FAM120C: variants seen among roughly 807,000 people sequenced by gnomAD.
The protein encoded by FAM120C is family with sequence similarity 120 member C, also known as constitutive coactivator of PPAR-gamma-like protein 2.
In FAM120C, 14 loss-of-function variants were observed where a neutral mutation model predicts 71.2. That is an observed-to-expected ratio of 0.20 (90% CI 0.13 to 0.31). The LOEUF (loss-of-function observed/expected upper bound fraction) is 0.31. Ranked by LOEUF, FAM120C falls within the 10% of genes least tolerant of loss-of-function variation. The probability of loss-of-function intolerance (pLI) is 1.00; values close to 1 mark genes in which losing one functional copy is unlikely to be tolerated. For missense variants in FAM120C, 500 were observed against 879.0 expected (o/e 0.57, Z 5.45); for synonymous variants, 354 against 353.2 (o/e 1.00, Z -0.03).
chrX:54,148,332 A>T, intron 4 of FAM120C, among the ~76,000 whole-genome samples: 1 of 111,521 alleles, frequency 9.0e-6, no homozygotes, highest in Non-Finnish European at 1.9e-5. Context: ...CAAAGAGGAT[A>T]TATGAATGAA....
chrX:54,139,464 C>A (rs1259776411), intron 4 of FAM120C, among the ~76,000 whole-genome samples: 1 of 107,575 alleles, frequency 9.3e-6, no homozygotes, highest in Admixed American at 1.0e-4. Flanking sequence ...CTCAGCCTCC[C>A]GAGTAGCTGG....
intron 15 of FAM120C, among the ~76,000 whole-genome samples, chrX:54,074,403 T>C (rs1430905186): frequency 8.9e-6 from 1 of 112,492 alleles, no homozygotes; most frequent in African/African-American, 3.2e-5. Context: ...CTATGTGCAA[T>C]ATTCCACAGA....
chrX:54,113,500 T>C (rs1557126085), intron 10 of FAM120C, among the ~76,000 whole-genome samples: 1 of 108,647 alleles, frequency 9.2e-6, no homozygotes. Context: ...AAAACAAAAA[T>C]AGACAAAGGG....
At chrX:54,165,158 A>G (rs1329271712) in intron 1 of FAM120C, among the ~76,000 whole-genome samples, 1 of 111,604 alleles carries the variant, frequency 9.0e-6, no homozygotes, top group Non-Finnish European at 1.9e-5. Context: ...TACACCCAAC[A>G]AAATTAACAA....
At position 54,149,145 on chromosome X, in the gene FAM120C, T is replaced by C. The variant is rs377192692; in HGVS notation, c.1158+2100A>G. 1.2e-4 allele frequency among the ~76,000 whole-genome samples: 14 copies of C among 112,362 alleles called. No individual in the cohort carries two copies. The South Asian group carries it at 4.0e-3, about 32-fold the overall frequency. On this transcript the variant is annotated intron_variant, in intron 4 of 15. Transcript: ENST00000375180. ...ACAAAAACCTGTACACAAATGTTTA[T>C]AGCAGCTCTATTCATAACACCATAA...
intron 15 of FAM120C, among the ~76,000 whole-genome samples, chrX:54,074,904 A>C (rs2066727693): frequency 9.0e-6 from 1 of 111,595 alleles, no homozygotes; most frequent in East Asian, 2.8e-4. Context: ...AGATAAGAAA[A>C]CTGAAGCTCC....
intron 3 of FAM120C, among the ~76,000 whole-genome samples, chrX:54,155,143 G>A (rs966674975): frequency 6.3e-5 from 7 of 111,791 alleles, no homozygotes; most frequent in Non-Finnish European, 1.1e-4. Flanking sequence ...GTTCGAGGCT[G>A]TAGTGAGCCA....
chrX:54,174,444 T>G (rs781946030), intron 1 of FAM120C, among the ~76,000 whole-genome samples: 212 of 111,692 alleles, frequency 1.9e-3, no homozygotes, highest in African/African-American at 6.4e-3. Flanking sequence ...CATGGAGCTG[T>G]AGAGACCAAT....
intron 15 of FAM120C, 78 bp from the exon 16 acceptor site, chrX:54,073,365 C>A: frequency 9.8e-7 from 1 of 1,022,662 alleles, no homozygotes; most frequent in Non-Finnish European, 1.3e-6. Flanking sequence ...CATAAGCTAG[C>A]CTGAGGAAGC....
At chrX:54,173,946 C>T (rs781875015) in intron 1 of FAM120C, 206 of 420,806 alleles carry the variant, frequency 4.9e-4, no homozygotes, top group African/African-American at 4.6e-3. Flanking sequence ...CCAGCCAGGG[C>T]TGCAGTCATC....
At chrX:54,118,685 ATTTTTCTT>A (rs1253458067) in intron 9 of FAM120C, among the ~76,000 whole-genome samples, 305 of 26,516 alleles carry the variant, frequency 0.012, 1 homozygote, top group Non-Finnish European at 0.021. Flanking sequence ...TTTAATTTGT[ATTTTTCTT>A]TTTTTCTTTT....
intron 15 of FAM120C, 127 bp from the exon 16 acceptor site, chrX:54,073,414 G>T: frequency 1.6e-6 from 1 of 635,091 alleles, no homozygotes; most frequent in Non-Finnish European, 2.3e-6. Flanking sequence ...ACCTCAAGCT[G>T]GTTGACAACT....
chrX:54,071,928 A>G lies in FAM120C; in HGVS notation c.*1105T>C, dbSNP rs782128038. The G allele has an allele frequency of 1.5e-5, 1 of 67,139 alleles. No individual in the cohort carries two copies. The highest frequency in any genetic ancestry group is 5.6e-5 in the African/African-American group (1 of 17,909). 5.5% of individuals were successfully genotyped at this position (67,139 alleles called of 1,213,427 possible). Reference sequence around the variant, plus strand: ...GGAAATTGAGTAAATCCTCTGGGACATCACCATGTATGTATGTATGTATGT... The same window carrying G: ...GGAAATTGAGTAAATCCTCTGGGACGTCACCATGTATGTATGTATGTATGT... On this transcript the variant is annotated 3_prime_UTR_variant, in exon 16 of 16. Coordinates refer to ENST00000375180, the MANE Select transcript of FAM120C (RefSeq NM_017848.6).
chrX:54,163,938 A>AT (rs1211661910), intron 1 of FAM120C, among the ~76,000 whole-genome samples: 100 of 99,624 alleles, frequency 1.0e-3, no homozygotes, highest in South Asian at 7.5e-3. Flanking sequence ...ATATATATAT[A>AT]TTTTTTTTTT....
At position 54,175,829 on chromosome X, in the gene FAM120C, C is replaced by G. The variant is rs1371793764; in HGVS notation, c.699+6671G>C. Reference sequence around the variant, plus strand: ...TTAAACTGAGGCACAGAGCAAGTAACTTGCCTAAGCTTACATAATGAGTAC... The same window carrying G: ...TTAAACTGAGGCACAGAGCAAGTAAGTTGCCTAAGCTTACATAATGAGTAC... On this transcript the variant is annotated intron_variant, in intron 1 of 15. Transcript: ENST00000375180. Among the ~76,000 whole-genome samples the G allele has an allele frequency of 4.5e-4, 50 of 111,743 alleles. 1 individual carries two copies. The highest frequency in any genetic ancestry group is 1.1e-4 in the Non-Finnish European group (6 of 53,218).
chrX:54,160,611 C>T (rs2067231636), intron 1 of FAM120C, among the ~76,000 whole-genome samples: 1 of 111,703 alleles, frequency 9.0e-6, no homozygotes, highest in Non-Finnish European at 1.9e-5. Flanking sequence ...ATACCGGCTC[C>T]ACCAAATTAA....
At chrX:54,075,256 T>G (rs2066729278) in intron 15 of FAM120C, among the ~76,000 whole-genome samples, 1 of 112,112 alleles carries the variant, frequency 8.9e-6, no homozygotes, top group African/African-American at 3.2e-5. Flanking sequence ...TCCAATTTTA[T>G]AGATGAGAAA....
At chrX:54,095,876 G>C (rs1352708579) in intron 10 of FAM120C, among the ~76,000 whole-genome samples, 1 of 106,589 alleles carries the variant, frequency 9.4e-6, no homozygotes, top group African/African-American at 3.4e-5. Context: ...GACTGGTCTC[G>C]ATCTCCTGAC....
chrX:54,133,265 C>T (rs1360649191), intron 8 of FAM120C, among the ~76,000 whole-genome samples: 4 of 111,457 alleles, frequency 3.6e-5, no homozygotes, highest in African/African-American at 9.8e-5. Flanking sequence ...GCTTGAACCT[C>T]GGAGGCAGAA....
Sources: gnomAD v4.1 joint callset for allele counts (sites outside exome capture counted in the v4.1 genomes callset) on GRCh38, gnomAD v4.1.1 for gene constraint, MANE v1.5 for transcripts, NCBI Gene and HGNC (gene_info 2026-07-23, HGNC 2026-07-21) for gene names.